The following ISX variants were observed in gnomAD, a reference collection of about 807,000 sequenced individuals.
ISX encodes the protein intestine specific homeobox, also known as intestine-specific homeobox.
In ISX, 15 loss-of-function variants were observed where a neutral mutation model predicts 16.9. The observed-to-expected ratio is 0.89, with a 90% CI of 0.59 to 1.36. The LOEUF (loss-of-function observed/expected upper bound fraction) is 1.36. Among genes scored for constraint, ISX ranks in the 40% most tolerant of loss-of-function variants. The pLI is 0.00. For synonymous variants in ISX, 125 were observed against 119.7 expected, an observed-to-expected ratio of 1.04 and a Z score of -0.29; for missense variants, 316 against 306.1, an observed-to-expected ratio of 1.03 and a Z score of -0.24.
intron 2 of ISX, among the ~76,000 whole-genome samples, chr22:35,073,883 C>T (rs713850): frequency 0.57 from 86,562 of 152,110 alleles, 25,125 homozygotes; most frequent in Middle Eastern, 0.65. Flanking sequence ...TTCAAATTTT[C>T]GACAGGAAAG....
intron 2 of ISX, among the ~76,000 whole-genome samples, chr22:35,080,921 A>G (rs1388815008): frequency 6.6e-6 from 1 of 152,196 alleles, no homozygotes; most frequent in Non-Finnish European, 1.5e-5. Context: ...GTGCAAGCCT[A>G]TCTGTACCCC....
At position 35,082,549 on chromosome 22, in the gene ISX, C is replaced by A. The variant is rs2036886835; in HGVS notation, c.261C>A (p.Thr87=). Residue 87 remains threonine (T), a synonymous_variant, in exon 3 of 5, where the codon ACC becomes ACA. Transcript: ENST00000404699. ...EGRKSKRRVR[T]TFTTEQLHEL... is the part of the protein sequence containing the mutation. Reference sequence around the variant, plus strand: ...GGAAGAGCAAGCGGAGGGTTCGTACCACCTTCACCACTGAGCAGCTGCATG... The same window carrying A: ...GGAAGAGCAAGCGGAGGGTTCGTACAACCTTCACCACTGAGCAGCTGCATG... 6.2e-7 allele frequency: 1 copy of A among 1,614,152 alleles called. No homozygotes were observed. Among genetic ancestry groups the A allele is most frequent in the South Asian group, 1.1e-5 (1 of 91,070 alleles).
At chr22:35,069,047 C>T (rs362073) in intron 2 of ISX, among the ~76,000 whole-genome samples, 45,911 of 152,028 alleles carry the variant, frequency 0.3, 7,460 homozygotes, top group East Asian at 0.63. Context: ...GAGAGGGTCC[C>T]ACTGGCGGCT....
rs142617723 is a variant in ISX, at chr22:35,076,512, G to C, written c.230-6006G>C. On this transcript the variant is annotated intron_variant, in intron 2 of 4. Transcript: ENST00000404699. ...GACTCCTGCCCCGCACCCCACCTTC[G>C]TGTGTCAGGAGGTGTCCCCAGCCTA... 3.9e-5 allele frequency among the ~76,000 whole-genome samples: 6 copies of C among 152,148 alleles called. No homozygotes were observed. In the East Asian group the frequency reaches 1.2e-3, roughly 29 times the overall value.
intron 4 of ISX, among the ~76,000 whole-genome samples, chr22:35,085,035 C>A (rs1172457278): frequency 6.6e-6 from 1 of 152,068 alleles, no homozygotes; most frequent in African/African-American, 2.4e-5. Flanking sequence ...GTGCTAAACA[C>A]GGGATAGAGC....
At position 35,066,793 on chromosome 22, in the gene ISX, C is replaced by A; in HGVS notation, c.-295C>A. On this transcript the variant is annotated 5_prime_UTR_variant, in exon 2 of 5. Coordinates refer to ENST00000404699, the MANE Select transcript of ISX (RefSeq NM_001303508.2). ...TGGTGATTGTGCAGGCAACTGTGTC[C>A]GAGAAGACCCTTCTCTGGAAGATTG... 2.8e-6 allele frequency: 1 copy of A among 357,056 alleles called. No homozygotes were observed. Among genetic ancestry groups the A allele is most frequent in the Non-Finnish European group, 5.1e-6 (1 of 196,410 alleles). 22.1% of individuals were successfully genotyped at this position (357,056 alleles called of 1,614,324 possible).
intron 2 of ISX, among the ~76,000 whole-genome samples, chr22:35,068,017 T>C (rs186088045): frequency 1.3e-5 from 2 of 152,338 alleles, no homozygotes; most frequent in African/African-American, 4.8e-5. Context: ...CGCACACACC[T>C]GCTAACAGTC....
chr22:35,067,021 G>A lies in ISX; in HGVS notation c.-67G>A. The A allele has an allele frequency of 8.0e-7, 1 of 1,257,064 alleles. No individual in the cohort carries two copies. The highest frequency in any genetic ancestry group is 1.1e-6 in the Non-Finnish European group (1 of 878,716). The allele number at this position is 1,257,064 out of a possible 1,614,324, so 77.9% of individuals were successfully genotyped here. A position where few individuals can be genotyped will look rare whatever the true frequency, so the allele number is the denominator to read the frequency against. ...CCCTCTTGACCCCAGGAGGTTCAGGGGAGGAAGTACGCCACTCTCCACTGG... is the reference window on the plus strand; with the variant it reads ...CCCTCTTGACCCCAGGAGGTTCAGGAGAGGAAGTACGCCACTCTCCACTGG... On this transcript the variant is annotated 5_prime_UTR_variant, in exon 2 of 5. Coordinates refer to ENST00000404699, the MANE Select transcript of ISX (RefSeq NM_001303508.2).
intron 2 of ISX, among the ~76,000 whole-genome samples, chr22:35,078,814 C>G (rs1373955612): frequency 2.0e-5 from 3 of 152,224 alleles, no homozygotes; most frequent in African/African-American, 7.2e-5. Flanking sequence ...TCCCTTTCAC[C>G]AAGTAAACGC....
At chr22:35,077,843 G>A (rs182569722) in intron 2 of ISX, among the ~76,000 whole-genome samples, 15 of 152,166 alleles carry the variant, frequency 9.9e-5, no homozygotes, top group Middle Eastern at 3.4e-3. Context: ...TTGGGAACAG[G>A]AAAAAGCCAT....
Position 35,085,551 on chromosome 22 carries a change from C to A in ISX, c.596C>A (p.Ala199Asp), listed in dbSNP as rs781703150. 6.2e-6 allele frequency: 10 copies of A among 1,614,232 alleles called. No individual in the cohort carries two copies. Among genetic ancestry groups the A allele is most frequent in the Non-Finnish European group, 8.5e-6 (10 of 1,180,042 alleles). Residue 199 changes from alanine (A) to aspartate (D), a missense_variant, in exon 5 of 5, where the codon GCC (alanine) becomes GAC (aspartate). Physicochemically the swap from Ala to Asp is moderately radical, Grantham distance 126. Transcript: ENST00000404699. ...CAGCTGGCCTCTGCCTGGTTCCCTG[C>A]CTGGATCACCCTCCTCCCAGCGCAC... ...QDQLASAWFPAWITLLPAHPW... is the reference protein window; with the variant it reads ...QDQLASAWFPDWITLLPAHPW...
chr22:35,079,139 T>C (rs1412816244), intron 2 of ISX, among the ~76,000 whole-genome samples: 3 of 152,242 alleles, frequency 2.0e-5, no homozygotes, highest in Non-Finnish European at 4.4e-5. Context: ...TCTTCAAGTG[T>C]TAAACCCTCA....
chr22:35,082,916 C>T (rs1485878064), intron 3 of ISX, among the ~76,000 whole-genome samples: 1 of 152,238 alleles, frequency 6.6e-6, no homozygotes, highest in Non-Finnish European at 1.5e-5. Flanking sequence ...GGATCTGCTC[C>T]ATACCCTTCC....
At chr22:35,075,668 T>TG (rs951793245) in intron 2 of ISX, among the ~76,000 whole-genome samples, 8 of 152,030 alleles carry the variant, frequency 5.3e-5, no homozygotes, top group African/African-American at 1.4e-4. Context: ...GGGTGTGTGG[T>TG]GGGGGGAGTA....
rs375339959 is a variant in ISX, at chr22:35,075,118, A to T, written c.230-7400A>T. ...GCTTTAGAACACAGAAGAGGCAATA[A>T]TGAACTCTGCATAACACCATCAGAG... On this transcript the variant is annotated intron_variant, in intron 2 of 4. Coordinates refer to ENST00000404699, the MANE Select transcript of ISX (RefSeq NM_001303508.2). Among the ~76,000 whole-genome samples, 31 of 152,358 alleles carry T rather than the reference A, an allele frequency of 2.0e-4. No individual in the cohort carries two copies. The East Asian group carries it at 5.4e-3, about 27-fold the overall frequency.
At position 35,070,039 on chromosome 22, in the gene ISX, G is replaced by A. The variant is rs1928809422; in HGVS notation, c.229+2723G>A. On this transcript the variant is annotated intron_variant, in intron 2 of 4. Transcript: ENST00000404699. ...TGGCCCAAGGAAGTGGTCCTTAGAGGAAGCTGAGACTCAATAAGGTGAAGT... is the reference window on the plus strand; with the variant it reads ...TGGCCCAAGGAAGTGGTCCTTAGAGAAAGCTGAGACTCAATAAGGTGAAGT... Among the ~76,000 whole-genome samples the A allele has an allele frequency of 2.0e-5, 3 of 152,218 alleles. No homozygotes were observed. In the South Asian group the frequency reaches 6.2e-4, roughly 32 times the overall value.
Position 35,067,231 on chromosome 22 carries a change from A to G in ISX, c.144A>G (p.Arg48=). 6.2e-7 allele frequency: 1 copy of G among 1,609,276 alleles called. No individual in the cohort carries two copies. Among genetic ancestry groups the G allele is most frequent in the Non-Finnish European group, 8.5e-7 (1 of 1,177,914 alleles). Residue 48 remains arginine, a synonymous_variant, in exon 2 of 5, where the codon AGA becomes AGG. Coordinates refer to ENST00000404699, the MANE Select transcript of ISX (RefSeq NM_001303508.2). ...CTGCCAGGAGGAGTGATATGGACAG[A>G]CCAGAAGGGCCAGGTGAAGAGGGCC... The part of the protein sequence containing the change: ...KRPARRSDMD[R]PEGPGEEGPG...
chr22:35,082,721 G>A (rs758065187), intron 3 of ISX, 52 bp downstream of exon 3: 2 of 1,596,216 alleles, frequency 1.3e-6, no homozygotes, highest in Non-Finnish European at 8.6e-7. Flanking sequence ...GGGACCATGT[G>A]TGAGACACAA....
chr22:35,075,004 A>G (rs954077362), intron 2 of ISX, among the ~76,000 whole-genome samples: 1 of 152,240 alleles, frequency 6.6e-6, no homozygotes, highest in Non-Finnish European at 1.5e-5. Context: ...ATCTGTGCCC[A>G]TGCTTCATGT....
Sources: allele counts gnomAD v4.1 joint callset (sites outside exome capture counted in the v4.1 genomes callset), GRCh38; gene constraint gnomAD v4.1.1; transcripts MANE v1.5; gene names NCBI Gene and HGNC (gene_info 2026-07-23, HGNC 2026-07-21).